Variants in MCTP1 observed in about 807,000 individuals in gnomAD.
The protein encoded by MCTP1 is multiple C2 and transmembrane domain containing 1.
A neutral mutation model predicts 120.6 loss-of-function variants in MCTP1; 69 were observed. That is an observed-to-expected ratio of 0.57 (90% CI 0.47 to 0.70). The LOEUF is 0.70. Among genes scored for constraint, MCTP1 ranks in the 30% least tolerant of loss-of-function variants. The pLI, the probability that MCTP1 is intolerant of heterozygous loss-of-function variation, is 0.00. For missense variants in MCTP1, 1,203 were observed against 1,248.8 expected (o/e 0.96, Z 0.55); for synonymous variants, 529 against 493.1 (o/e 1.07, Z -0.96).
chr5:95,212,702 G>C lies in MCTP1; in HGVS notation c.720+71154C>G, dbSNP rs539460659. On this transcript the variant is annotated intron_variant, in intron 1 of 22. Coordinates refer to ENST00000515393, the MANE Select transcript of MCTP1 (RefSeq NM_024717.7). ...GCTTCATCCCTGGGATGCAAGGCTGGTTCAATATACACAAATCAATAAATG... is the reference window on the plus strand; with the variant it reads ...GCTTCATCCCTGGGATGCAAGGCTGCTTCAATATACACAAATCAATAAATG... Among the ~76,000 whole-genome samples, 185 of 151,840 alleles carry C rather than the reference G, an allele frequency of 1.2e-3. 1 individual carries two copies. The highest frequency in any genetic ancestry group is 4.1e-3 in the African/African-American group (171 of 41,434).
chr5:94,770,647 T>C (rs1016809944), intron 19 of MCTP1, among the ~76,000 whole-genome samples: 2 of 152,138 alleles, frequency 1.3e-5, no homozygotes, highest in African/African-American at 4.8e-5. Context: ...TTCTGCAAAG[T>C]GGAACAAGGT....
intron 19 of MCTP1, among the ~76,000 whole-genome samples, chr5:94,773,570 T>A (rs1473214465): frequency 6.6e-6 from 1 of 152,166 alleles, no homozygotes; most frequent in Non-Finnish European, 1.5e-5. Flanking sequence ...TAGTCTGTTC[T>A]CATGCTGTTA....
intron 1 of MCTP1, among the ~76,000 whole-genome samples, chr5:95,223,430 A>G (rs1753907394): frequency 1.3e-5 from 2 of 152,164 alleles, no homozygotes; most frequent in African/African-American, 2.4e-5. Context: ...TAGCGTGGGC[A>G]TCAGAGTGAG....
chr5:95,045,015 AC>A (rs1842935141), intron 1 of MCTP1, among the ~76,000 whole-genome samples: 1 of 151,862 alleles, frequency 6.6e-6, no homozygotes. Context: ...AAAACTCCCT[AC>A]TGTAGCTCAC....
intron 1 of MCTP1, among the ~76,000 whole-genome samples, chr5:95,057,220 A>C (rs1229951104): frequency 6.6e-6 from 1 of 152,192 alleles, no homozygotes; most frequent in Non-Finnish European, 1.5e-5. Flanking sequence ...TAAAAATATT[A>C]ACATAACTAC....
intron 1 of MCTP1, among the ~76,000 whole-genome samples, chr5:95,202,723 CTTTTTTCT>C (rs1012767057): frequency 8.6e-5 from 13 of 151,972 alleles, no homozygotes; most frequent in East Asian, 1.9e-4. Flanking sequence ...CAATCTTTCT[CTTTTTTCT>C]TTTTTTCTTT....
chr5:95,069,426 C>T (rs980422824), intron 1 of MCTP1, among the ~76,000 whole-genome samples: 1 of 148,056 alleles, frequency 6.8e-6, no homozygotes, highest in Non-Finnish European at 1.5e-5. Flanking sequence ...TTTGTCAACC[C>T]AGCCTTTGGG....
At chr5:95,040,666 G>A (rs1190456588) in intron 1 of MCTP1, among the ~76,000 whole-genome samples, 2 of 152,100 alleles carry the variant, frequency 1.3e-5, no homozygotes, top group Non-Finnish European at 2.9e-5. Flanking sequence ...CATAACTGAT[G>A]TGGTTGTGAG....
intron 1 of MCTP1, among the ~76,000 whole-genome samples, chr5:95,123,264 A>C (rs1758370048): frequency 6.6e-6 from 1 of 152,106 alleles, no homozygotes; most frequent in African/African-American, 2.4e-5. Context: ...TACCCACAAA[A>C]ATTAAAAATA....
intron 1 of MCTP1, among the ~76,000 whole-genome samples, chr5:95,140,311 T>C (rs1298035619): frequency 2.0e-5 from 3 of 152,180 alleles, no homozygotes; most frequent in Non-Finnish European, 2.9e-5. Flanking sequence ...CAGCAGGATA[T>C]TGAAGGTGTT....
chr5:94,892,303 G>A (rs918337185), intron 11 of MCTP1, among the ~76,000 whole-genome samples: 2 of 152,128 alleles, frequency 1.3e-5, no homozygotes, highest in Non-Finnish European at 2.9e-5. Flanking sequence ...ATCCGGTCAA[G>A]GGACATTAAA....
At chr5:95,114,688 C>T (rs183439933) in intron 1 of MCTP1, among the ~76,000 whole-genome samples, 1 of 152,328 alleles carries the variant, frequency 6.6e-6, no homozygotes, top group Non-Finnish European at 1.5e-5. Flanking sequence ...ACTGTAGTCC[C>T]TGGCTCCTGG....
intron 5 of MCTP1, among the ~76,000 whole-genome samples, chr5:94,936,308 T>C (rs976152355): frequency 1.3e-5 from 2 of 152,016 alleles, no homozygotes; most frequent in Non-Finnish European, 1.5e-5. Flanking sequence ...ATTATATATA[T>C]ATATTTCCCC....
chr5:94,867,486 T>A, intron 17 of MCTP1: 1 of 716,758 alleles, frequency 1.4e-6, no homozygotes, highest in Non-Finnish European at 2.4e-6. Flanking sequence ...GCTCTTCTTG[T>A]AAGCCCCCAT....
intron 17 of MCTP1, among the ~76,000 whole-genome samples, chr5:94,828,957 T>C (rs1787871861): frequency 6.6e-6 from 1 of 151,886 alleles, no homozygotes; most frequent in Non-Finnish European, 1.5e-5. Context: ...AACAGTTCTG[T>C]CTCTCTGGTG....
intron 19 of MCTP1, among the ~76,000 whole-genome samples, chr5:94,768,823 T>G (rs1032507636): frequency 6.6e-6 from 1 of 152,102 alleles, no homozygotes; most frequent in African/African-American, 2.4e-5. Flanking sequence ...GAAATCAACA[T>G]GGAGGTTTCT....
chr5:95,160,898 C>T lies in MCTP1; in HGVS notation c.720+122958G>A, dbSNP rs555735279. The stretch of plus-strand genomic sequence containing the variant: ...GGTAATGCAAATTAAAGCAATACTA[C>T]CTCACACCTGTTAATATTGCTATTA... On this transcript the variant is annotated intron_variant, in intron 1 of 22. Transcript: ENST00000515393. Among the ~76,000 whole-genome samples the T allele has an allele frequency of 5.0e-4, 76 of 152,174 alleles. 1 individual carries two copies. Among genetic ancestry groups the T allele is most frequent in the Admixed American group, 1.6e-3 (25 of 15,268 alleles).
intron 2 of MCTP1, among the ~76,000 whole-genome samples, chr5:94,971,064 AGTT>A (rs1159126464): frequency 5.9e-5 from 9 of 152,076 alleles, no homozygotes; most frequent in Non-Finnish European, 1.0e-4. Flanking sequence ...CCAAAGAGTT[AGTT>A]GTGTCTATTG....
chr5:94,707,989 A>G (rs1388136817), intron 22 of MCTP1, among the ~76,000 whole-genome samples: 1 of 151,558 alleles, frequency 6.6e-6, no homozygotes, highest in Non-Finnish European at 1.5e-5. Context: ...AAAAAAAACA[A>G]ACTTCTTTTA....
Sources: allele counts gnomAD v4.1 joint callset (sites outside exome capture counted in the v4.1 genomes callset), GRCh38; gene constraint gnomAD v4.1.1; transcripts MANE v1.5; gene names NCBI Gene and HGNC (gene_info 2026-07-23, HGNC 2026-07-21).